LINGO1: variants seen among roughly 807,000 people sequenced by gnomAD.
The protein encoded by LINGO1 is leucine rich repeat and Ig domain containing 1.
A neutral mutation model predicts 37.3 loss-of-function variants in LINGO1; 11 were observed. That is an observed-to-expected ratio of 0.29 (90% CI 0.19 to 0.49). LINGO1 has a LOEUF of 0.49. Among genes scored for constraint, LINGO1 ranks in the 20% least tolerant of loss-of-function variants. LINGO1 has a pLI of 0.99. For missense variants in LINGO1, 585 were observed against 878.2 expected, an observed-to-expected ratio of 0.67 and a Z score of 4.22; for synonymous variants, 387 against 403.0, an observed-to-expected ratio of 0.96 and a Z score of 0.48.
At chr15:77,691,131 T>C (rs1178983469) in intron 1 of LINGO1, among the ~76,000 whole-genome samples, 1 of 152,226 alleles carries the variant, frequency 6.6e-6, no homozygotes, top group African/African-American at 2.4e-5. Flanking sequence ...TATTGCAATG[T>C]GGATAGTGTG....
intron 2 of LINGO1, among the ~76,000 whole-genome samples, chr15:77,724,167 T>A (rs1451270708): frequency 6.6e-6 from 1 of 152,160 alleles, no homozygotes; most frequent in Non-Finnish European, 1.5e-5. Flanking sequence ...CAGGGTCTGC[T>A]CAGCTCTGCC....
intron 2 of LINGO1, among the ~76,000 whole-genome samples, chr15:77,716,536 AATACACACACACACGCACTC>A (rs2075987619): frequency 2.0e-5 from 3 of 149,740 alleles, no homozygotes; most frequent in Non-Finnish European, 4.5e-5. Flanking sequence ...CACGTGCAGG[AATACACACACACACGCACTC>A]ATACACACAC....
chr15:77,732,900 G>A (rs927993134), intron 2 of LINGO1, among the ~76,000 whole-genome samples: 2 of 152,148 alleles, frequency 1.3e-5, no homozygotes, highest in East Asian at 1.9e-4. Flanking sequence ...ATAAATAATC[G>A]AAGGTGCTCT....
chr15:77,790,311 C>T (rs751899641), upstream of LINGO1, among the ~76,000 whole-genome samples: 10 of 152,198 alleles, frequency 6.6e-5, no homozygotes, highest in Non-Finnish European at 1.5e-4. Context: ...ATAGTAGGTG[C>T]TTAGTAAATG....
chr15:77,805,966 T>C (rs957364545), intron 1 of LINGO1, among the ~76,000 whole-genome samples: 6 of 152,286 alleles, frequency 3.9e-5, no homozygotes, highest in Admixed American at 2.6e-4. Context: ...CACCCGGGGC[T>C]GACCTCAGAG....
At chr15:77,634,709 C>T (rs895943043), upstream of LINGO1, among the ~76,000 whole-genome samples, 5 of 152,080 alleles carry the variant, frequency 3.3e-5, no homozygotes, top group East Asian at 9.6e-4. Flanking sequence ...GCGCAGGCGA[C>T]TCCCCGGTCC....
intron 1 of LINGO1, among the ~76,000 whole-genome samples, chr15:77,806,337 C>G (rs1452213761): frequency 6.6e-6 from 1 of 152,000 alleles, no homozygotes; most frequent in Non-Finnish European, 1.5e-5. Context: ...TTTTGAAAAG[C>G]CCCACATTCT....
At chr15:77,804,465 G>T (rs2076943545) in intron 1 of LINGO1, among the ~76,000 whole-genome samples, 1 of 152,238 alleles carries the variant, frequency 6.6e-6, no homozygotes, top group African/African-American at 2.4e-5. Context: ...TGGATAAGGG[G>T]TGAGCTCCCC....
chr15:77,704,160 G>T (rs544011898), intron 2 of LINGO1, among the ~76,000 whole-genome samples: 68 of 152,298 alleles, frequency 4.5e-4, no homozygotes, highest in Middle Eastern at 3.4e-3. Flanking sequence ...TGAAGGATCT[G>T]CAGAAGCTAC....
intron 2 of LINGO1, among the ~76,000 whole-genome samples, chr15:77,713,834 C>T (rs1817545082): frequency 6.6e-6 from 1 of 152,090 alleles, no homozygotes; most frequent in Non-Finnish European, 1.5e-5. Context: ...ATCCTTTTGG[C>T]TTTCCTCGCA....
intron 1 of LINGO1, among the ~76,000 whole-genome samples, chr15:77,766,887 T>TA (rs1241671915): frequency 4.6e-5 from 7 of 151,926 alleles, no homozygotes; most frequent in East Asian, 3.8e-4. Context: ...GCAGAATTTT[T>TA]AAAAAAAAAT....
chr15:77,687,536 A>G (rs2075532879), intron 2 of LINGO1, among the ~76,000 whole-genome samples: 1 of 152,166 alleles, frequency 6.6e-6, no homozygotes. Flanking sequence ...CTGTGCTGGG[A>G]TTCCCAGATT....
At chr15:77,661,889 G>A (rs2075001922) in intron 3 of LINGO1, among the ~76,000 whole-genome samples, 1 of 152,114 alleles carries the variant, frequency 6.6e-6, no homozygotes, top group Admixed American at 6.5e-5. Flanking sequence ...ACCCTTCCAG[G>A]GCCCATGGTC....
chr15:77,805,510 A>C (rs1277340143), intron 1 of LINGO1, among the ~76,000 whole-genome samples: 1 of 152,200 alleles, frequency 6.6e-6, no homozygotes, highest in Non-Finnish European at 1.5e-5. Context: ...GTGGAAGGAC[A>C]AACTGCAGGG....
In LINGO1 at chr15:77,655,564, C is replaced by T. The variant is rs374398414; in HGVS notation, c.-13+21525G>A. 3.9e-5 allele frequency among the ~76,000 whole-genome samples: 6 copies of T among 152,236 alleles called. No homozygotes were observed. In the East Asian group the frequency reaches 1.2e-3, roughly 29 times the overall value. On this transcript the variant is annotated intron_variant, in intron 3 of 3. Transcript: ENST00000559893. ...GGCAACCGTGACCTGGGTGACCATA[C>T]CAATAGCAGCTGCCATTTAATGACA...
At chr15:77,784,991 G>A (rs2076757220) in intron 1 of LINGO1, 1 of 152,278 alleles carries the variant, frequency 6.6e-6, no homozygotes, top group Non-Finnish European at 1.5e-5. Flanking sequence ...CCACAGCCCT[G>A]GGGAGTAGCA....
chr15:77,689,462 C>A (rs2075566513), intron 2 of LINGO1, among the ~76,000 whole-genome samples: 1 of 152,218 alleles, frequency 6.6e-6, no homozygotes, highest in Non-Finnish European at 1.5e-5. Flanking sequence ...TGGGCTGCTG[C>A]AGCTCAATGC....
At position 77,655,601 on chromosome 15, in the gene LINGO1, C is replaced by T. The variant is rs548195474; in HGVS notation, c.-13+21488G>A. On this transcript the variant is annotated intron_variant, in intron 3 of 3. Transcript: ENST00000559893. ...GCCATTTAATGACAGCCACTCTGGCCGCTCCACTGGCTGCACACCACTGGA... is the reference window on the plus strand; with the variant it reads ...GCCATTTAATGACAGCCACTCTGGCTGCTCCACTGGCTGCACACCACTGGA... Among the ~76,000 whole-genome samples the T allele has an allele frequency of 3.9e-5, 6 of 152,296 alleles. No homozygotes were observed. In the South Asian group the frequency reaches 8.3e-4, roughly 21 times the overall value.
upstream of LINGO1, among the ~76,000 whole-genome samples, chr15:77,635,401 G>A (rs575784582): frequency 1.2e-3 from 181 of 152,260 alleles, no homozygotes; most frequent in African/African-American, 4.2e-3. Flanking sequence ...CCAGGAAAAG[G>A]GGGTCTGTCA....
Sources: gnomAD v4.1 joint callset for allele counts (sites outside exome capture counted in the v4.1 genomes callset) on GRCh38, gnomAD v4.1.1 for gene constraint, MANE v1.5 for transcripts, NCBI Gene and HGNC (gene_info 2026-07-23, HGNC 2026-07-21) for gene names.